Variants in COL4A1 observed in about 807,000 individuals in gnomAD.
COL4A1 encodes collagen type IV alpha 1 chain.
In COL4A1, 40 loss-of-function variants were observed where a neutral mutation model predicts 216.6. That is an observed-to-expected ratio of 0.18 (90% CI 0.14 to 0.24). The LOEUF is 0.24. COL4A1 is among the 10% of genes least tolerant of loss of function. COL4A1 has a pLI of 1.00. For synonymous variants in COL4A1, 839 were observed against 810.7 expected (o/e 1.03, Z -0.59); for missense variants, 1,628 against 2,196.8 (o/e 0.74, Z 5.18).
chr13:110,176,280 C>A, intron 36 of COL4A1, 144 bp downstream of exon 36: 1 of 712,160 alleles, frequency 1.4e-6, no homozygotes, highest in South Asian at 1.5e-5. Flanking sequence ...GGAGACCATT[C>A]AGAGCTGGGG....
rs774650505 is a variant in COL4A1 at position 110,211,881 on chromosome 13, G to A, written c.429C>T (p.Phe143=). The A allele has an allele frequency of 4.2e-5, 67 of 1,613,958 alleles. No homozygotes were observed. Among genetic ancestry groups the A allele is most frequent in the Non-Finnish European group, 5.3e-5 (62 of 1,180,002 alleles). Reference sequence around the variant, plus strand: ...AACCTCTACTCACGGGATTTCCAGCGAAACCAGGCAAGCCAGGAGGCCCGA... The same window carrying A: ...AACCTCTACTCACGGGATTTCCAGCAAAACCAGGCAAGCCAGGAGGCCCGA... ...GPLGPPGLPG[F]AGNPGPPGLP... Residue 143 remains phenylalanine (F), a synonymous_variant, in exon 7 of 52, where the codon TTC becomes TTT. Transcript: ENST00000375820. This position sits in a 1 kb window ranked among gnomAD's most constrained non-coding sequence, Gnocchi z 4.3.
intron 1 of COL4A1, among the ~76,000 whole-genome samples, chr13:110,252,432 T>C (rs762427367): frequency 2.1e-5 from 3 of 139,786 alleles, no homozygotes; most frequent in East Asian, 2.1e-4. Flanking sequence ...GTATTATATA[T>C]GTATAATTAT....
intron 27 of COL4A1, 41 bp from the exon 28 acceptor site, chr13:110,183,138 G>C: frequency 1.2e-6 from 2 of 1,612,614 alleles, no homozygotes; most frequent in South Asian, 2.2e-5. Flanking sequence ...AGAAAAACGT[G>C]AGGAAACTCT....
intron 45 of COL4A1, 41 bp downstream of exon 45, chr13:110,166,191 A>C (rs1396301906): frequency 5.7e-6 from 7 of 1,225,426 alleles, no homozygotes; most frequent in Non-Finnish European, 8.5e-6. Flanking sequence ...CATTTTCACA[A>C]AGCACCAGTA....
rs546157664 is a variant in COL4A1, at chr13:110,219,555, C to A, written c.145-5540G>T. 1.5e-4 allele frequency among the ~76,000 whole-genome samples: 23 copies of A among 151,516 alleles called. No individual in the cohort carries two copies. The South Asian group carries it at 4.6e-3, about 30-fold the overall frequency. On this transcript the variant is annotated intron_variant, in intron 2 of 51. Coordinates refer to ENST00000375820, the MANE Select transcript of COL4A1 (RefSeq NM_001845.6). ...AATGTGTGCAGTGGCCCTCCATCAA[C>A]TATGTGGGTATACGCAAGAGCTTGA...
chr13:110,206,651 T>C lies in COL4A1; in HGVS notation c.858+14A>G. The C allele has an allele frequency of 6.2e-7, 1 of 1,614,024 alleles. No individual in the cohort carries two copies. The highest frequency in any genetic ancestry group is 8.5e-7 in the Non-Finnish European group (1 of 1,179,840). On this transcript the variant is annotated intron_variant, in intron 15 of 51. Coordinates refer to ENST00000375820, the MANE Select transcript of COL4A1 (RefSeq NM_001845.6). ...GAATTGTTTTATGATAAAAGGACTTTGGAAAGCACTTACTCTGGGTCCTGG... is the reference window on the plus strand; with the variant it reads ...GAATTGTTTTATGATAAAAGGACTTCGGAAAGCACTTACTCTGGGTCCTGG...
At chr13:110,225,253 T>C (rs1479827135) in intron 2 of COL4A1, among the ~76,000 whole-genome samples, 1 of 152,126 alleles carries the variant, frequency 6.6e-6, no homozygotes, top group Non-Finnish European at 1.5e-5. Flanking sequence ...CCCCCAGCAC[T>C]TCGAACAGAT....
chr13:110,246,737 T>C (rs1881831679), intron 1 of COL4A1, among the ~76,000 whole-genome samples: 1 of 152,200 alleles, frequency 6.6e-6, no homozygotes, highest in Admixed American at 6.5e-5. Context: ...ACCATCTGTT[T>C]CAGATTCTAG....
At chr13:110,261,648 G>A (rs748337825) in intron 1 of COL4A1, among the ~76,000 whole-genome samples, 7 of 152,230 alleles carry the variant, frequency 4.6e-5, no homozygotes, top group East Asian at 1.9e-4. Context: ...CCAGGGAACC[G>A]CACCCAAGGG....
At chr13:110,205,795 G>A (rs111299709) in intron 15 of COL4A1, among the ~76,000 whole-genome samples, 9 of 150,754 alleles carry the variant, frequency 6.0e-5, no homozygotes, top group East Asian at 5.9e-4. Flanking sequence ...CCCAGGAGGC[G>A]GAGGTTGCAG....
chr13:110,213,882 G>C (rs1879941114), intron 3 of COL4A1, 44 bp downstream of exon 3: 1 of 1,611,308 alleles, frequency 6.2e-7, no homozygotes, highest in Admixed American at 1.7e-5. Flanking sequence ...AAGAATGCGG[G>C]CAATCTTACA....
intron 24 of COL4A1, chr13:110,190,907 T>G (rs1319003060): frequency 6.6e-6 from 1 of 152,228 alleles, no homozygotes; most frequent in Non-Finnish European, 1.5e-5. Context: ...CTCTTTCCTC[T>G]TTTTCCGTCT....
chr13:110,242,404 T>C (rs1200807489), intron 2 of COL4A1, among the ~76,000 whole-genome samples: 2 of 152,220 alleles, frequency 1.3e-5, no homozygotes, highest in Non-Finnish European at 2.9e-5. Flanking sequence ...ACAGATTTTC[T>C]ACCAAGAGTC....
At chr13:110,274,320 C>T (rs1883356913) in intron 1 of COL4A1, among the ~76,000 whole-genome samples, 1 of 152,176 alleles carries the variant, frequency 6.6e-6, no homozygotes, top group African/African-American at 2.4e-5. Context: ...ATCAGGATAC[C>T]TGCAGTAACT....
Position 110,163,464 on chromosome 13 carries a change from A to G in COL4A1, c.4248T>C (p.Thr1416=), listed in dbSNP as rs1376912860. The G allele has an allele frequency of 1.2e-6, 2 of 1,613,974 alleles. No individual in the cohort carries two copies. Residue 1416 remains threonine, a splice_region_variant and synonymous_variant, in exon 47 of 52, where the codon ACT becomes ACC. Coordinates refer to ENST00000375820, the MANE Select transcript of COL4A1 (RefSeq NM_001845.6). The stretch of plus-strand genomic sequence containing the variant: ...TACGTTGGAAGTTTCGCAACCTACC[A>G]GTAGGCCCGGCAGGTCCCATCTCTC... ...QKGEMGPAGP[T]GPRGFPGPPG...
At chr13:110,234,303 C>T (rs1183088596) in intron 2 of COL4A1, among the ~76,000 whole-genome samples, 1 of 152,206 alleles carries the variant, frequency 6.6e-6, no homozygotes, top group Non-Finnish European at 1.5e-5. Context: ...GGGTCAGAGG[C>T]TCGGTACAGT....
intron 50 of COL4A1, 44 bp from the exon 51 acceptor site, chr13:110,152,550 A>G: frequency 6.3e-7 from 1 of 1,580,400 alleles, no homozygotes; most frequent in African/African-American, 1.3e-5. Context: ...TCCCTCCCCA[A>G]ACACCAGGAA....
intron 25 of COL4A1, 36 bp downstream of exon 25, chr13:110,187,101 TG>T (rs756483945): frequency 5.0e-6 from 8 of 1,612,056 alleles, no homozygotes; most frequent in Non-Finnish European, 6.8e-6. Context: ...AGATCCACAC[TG>T]TAAAATGCAC....
intron 2 of COL4A1, among the ~76,000 whole-genome samples, chr13:110,225,821 T>C (rs970931206): frequency 4.6e-5 from 7 of 152,184 alleles, no homozygotes; most frequent in Non-Finnish European, 8.8e-5. Context: ...GGAATTCTGG[T>C]GCTGGCTCCA....
Sources: allele counts gnomAD v4.1 joint callset (sites outside exome capture counted in the v4.1 genomes callset), GRCh38; gene constraint gnomAD v4.1.1; non-coding constraint Gnocchi (gnomAD v3.1); transcripts MANE v1.5; gene names NCBI Gene and HGNC (gene_info 2026-07-23, HGNC 2026-07-21).